The following STRIP1 variants were observed in gnomAD, a reference collection of about 807,000 sequenced individuals.
The protein encoded by STRIP1 is striatin-interacting protein 1.
A neutral mutation model predicts 106.2 loss-of-function variants in STRIP1; 63 were observed. The ratio of observed to expected loss-of-function variants is 0.59; its 90% CI spans 0.48 to 0.73. The LOEUF (loss-of-function observed/expected upper bound fraction) is 0.73, where lower values mean the gene tolerates loss of function less well. STRIP1 is among the 30% of genes least tolerant of loss of function. The pLI is 0.00. For missense variants in STRIP1, 857 were observed against 1,074.8 expected, an observed-to-expected ratio of 0.80 and a Z score of 2.83; for synonymous variants, 390 against 413.0, an observed-to-expected ratio of 0.94 and a Z score of 0.67.
Position 110,054,151 on chromosome 1 carries a change from C to T in STRIP1, c.*239C>T, listed in dbSNP as rs1653431822. 3.8e-6 allele frequency: 2 copies of T among 530,014 alleles called. No individual in the cohort carries two copies. Among genetic ancestry groups the T allele is most frequent in the East Asian group, 6.6e-5 (2 of 30,206 alleles). 32.8% of individuals were successfully genotyped at this position (530,014 alleles called of 1,614,324 possible). A position where few individuals can be genotyped will look rare whatever the true frequency, so the allele number is the denominator to read the frequency against. Reference sequence around the variant, plus strand: ...ATCCATTCTTCCTTTACTTCCCCCACCCTCCTCTCTTGGATATGGTTGGTT... The same window carrying T: ...ATCCATTCTTCCTTTACTTCCCCCATCCTCCTCTCTTGGATATGGTTGGTT... On this transcript the variant is annotated 3_prime_UTR_variant, in exon 21 of 21. Transcript: ENST00000369795.
intron 18 of STRIP1, among the ~76,000 whole-genome samples, 195 bp downstream of exon 18, chr1:110,050,604 T>G (rs1653250232): frequency 6.6e-6 from 1 of 152,176 alleles, no homozygotes; most frequent in Non-Finnish European, 1.5e-5. Flanking sequence ...GATTTGGATT[T>G]AGGGATTAGT....
At position 110,050,255 on chromosome 1, in the gene STRIP1, A is replaced by G; in HGVS notation, c.1890-88A>G. The G allele has an allele frequency of 3.8e-6, 5 of 1,312,514 alleles. No individual in the cohort carries two copies. The Admixed American group carries it at 5.2e-5, about 14-fold the overall frequency. The allele number at this position is 1,312,514 out of a possible 1,614,324, so 81.3% of individuals were successfully genotyped here. ...CTTCTGCTCCAACAAGTGAGGGAGG[A>G]AAGCTGGGAGCTGGCTCAGGCACGG... On this transcript the variant is annotated intron_variant, in intron 17 of 20. Transcript: ENST00000369795.
chr1:110,048,986 T>C (rs960554286), intron 15 of STRIP1, 126 bp from the exon 16 acceptor site: 5 of 1,115,220 alleles, frequency 4.5e-6, no homozygotes, highest in East Asian at 2.5e-5. Flanking sequence ...TTCTGAGATG[T>C]CCTTGGGGTG....
Position 110,043,077 on chromosome 1 carries a change from C to G in STRIP1, c.886-11C>G, listed in dbSNP as rs1171763636. 6.2e-7 allele frequency: 1 copy of G among 1,604,586 alleles called. No homozygotes were observed. The highest frequency in any genetic ancestry group is 1.3e-5 in the African/African-American group (1 of 74,764). On this transcript the variant is annotated splice_polypyrimidine_tract_variant and intron_variant, in intron 8 of 20. Coordinates refer to ENST00000369795, the MANE Select transcript of STRIP1 (RefSeq NM_033088.4). ...ATTGACCCTGGCTCTGCTTCCCTGT[C>G]TGTGATGCAGTGCACGCTAGGCGGC...
chr1:110,040,748 T>C (rs1169699863), intron 6 of STRIP1, 45 bp downstream of exon 6: 4 of 1,550,276 alleles, frequency 2.6e-6, no homozygotes, highest in Admixed American at 1.8e-5. Flanking sequence ...TAGTCAGAGA[T>C]GAGATCAGAG....
chr1:110,050,348 C>T lies in STRIP1; in HGVS notation c.1895C>T (p.Ser632Phe), dbSNP rs199569148. 3 of 1,614,192 alleles carry T rather than the reference C, an allele frequency of 1.9e-6. No homozygotes were observed. The highest frequency in any genetic ancestry group is 2.5e-6 in the Non-Finnish European group (3 of 1,180,010). The change falls in exon 18 of 21, where the codon TCT (serine) becomes TTT (phenylalanine). Residue 632 changes from serine to phenylalanine, a missense_variant. Physicochemically the swap from Ser to Phe is radical, Grantham distance 155 (BLOSUM62 -2). This residue lies in a region of STRIP1 where 750 missense variants were observed against 989.8 expected (regional missense o/e 0.76). Coordinates refer to ENST00000369795, the MANE Select transcript of STRIP1 (RefSeq NM_033088.4). ...GGTTCCTCTCCCCTCTGCAGCATTT[C>T]TGTCCTGGATTACCCTCACTGCGTG... is the stretch of plus-strand genomic sequence containing the variant. ...MSYITAKNSI[S>F]VLDYPHCVVH...
rs111847111 is a variant in STRIP1, at chr1:110,039,892, C to T, written c.581+377C>T. On this transcript the variant is annotated intron_variant, in intron 5 of 20. Coordinates refer to ENST00000369795, the MANE Select transcript of STRIP1 (RefSeq NM_033088.4). ...CAGGCACAAGACTGACATATGGGCT[C>T]AACCAGTGCCTGGCCTTGCCTGTGT... The T allele has an allele frequency of 4.5e-4, 581 of 1,294,990 alleles. 2 individuals carry two copies. In the African/African-American group the frequency reaches 7.6e-3, roughly 17 times the overall value. 80.2% of individuals were successfully genotyped at this position (1,294,990 alleles called of 1,614,324 possible).
In STRIP1 at chr1:110,046,450, A is replaced by G. The variant is rs528888460; in HGVS notation, c.1417-230A>G. 3.3e-5 allele frequency among the ~76,000 whole-genome samples: 5 copies of G among 152,288 alleles called. No homozygotes were observed. The South Asian group carries it at 6.2e-4, about 19-fold the overall frequency. ...GGGAGGCGGAGGTGGCAGTGAGCCA[A>G]GATCATGCCACTGCACTCCAGTCTG... On this transcript the variant is annotated intron_variant, in intron 12 of 20. Coordinates refer to ENST00000369795, the MANE Select transcript of STRIP1 (RefSeq NM_033088.4).
At chr1:110,038,609 CCTTCT>C in intron 2 of STRIP1, 69 bp from the exon 3 acceptor site, 1 of 1,242,552 alleles carries the variant, frequency 8.0e-7, no homozygotes, top group Non-Finnish European at 1.2e-6. Context: ...AAATGCCTTG[CCTTCT>C]CTGCACTTGT....
At chr1:110,051,547 C>G (rs1653303742) in intron 19 of STRIP1, 136 bp from the exon 20 acceptor site, 6 of 844,418 alleles carry the variant, frequency 7.1e-6, no homozygotes, top group Middle Eastern at 7.1e-4. Context: ...TATCAGGAAA[C>G]TCTTCAGTCC....
intron 18 of STRIP1, 38 bp from the exon 19 acceptor site, chr1:110,050,918 A>T (rs777050772): frequency 8.3e-7 from 1 of 1,198,168 alleles, no homozygotes; most frequent in Admixed American, 1.7e-5. Context: ...CACACACTGC[A>T]GCCATGAGGG....
In STRIP1 at chr1:110,053,729, C is replaced by T. The variant is rs572635211; in HGVS notation, c.2331C>T (p.Arg777=). ...EECALRANIE[R]FNARRYDRAH... Reference sequence around the variant, plus strand: ...GTGCCCTTCGTGCCAACATTGAACGCTTCAACGCCCGGCGCTATGACCGGG... The same window carrying T: ...GTGCCCTTCGTGCCAACATTGAACGTTTCAACGCCCGGCGCTATGACCGGG... Residue 777 remains arginine (R), a synonymous_variant, in exon 21 of 21, where the codon CGC becomes CGT. Transcript: ENST00000369795. 2.5e-6 allele frequency: 4 copies of T among 1,614,132 alleles called. No individual in the cohort carries two copies. Among genetic ancestry groups the T allele is most frequent in the Middle Eastern group, 1.6e-4 (1 of 6,062 alleles).
upstream of STRIP1, among the ~76,000 whole-genome samples, chr1:110,033,572 G>A (rs777639710): frequency 6.6e-6 from 1 of 152,122 alleles, no homozygotes; most frequent in Non-Finnish European, 1.5e-5. Flanking sequence ...AGCCTCTCAC[G>A]GTGAGAAAGC....
At chr1:110,043,540 C>T (rs1271582852) in intron 9 of STRIP1, 99 bp from the exon 10 acceptor site, 1 of 1,111,494 alleles carries the variant, frequency 9.0e-7, no homozygotes, top group African/African-American at 1.6e-5. Context: ...CTGTTCTTGC[C>T]TCTACTGGAC....
At chr1:110,049,367 C>G in intron 16 of STRIP1, 93 bp from the exon 17 acceptor site, 2 of 1,550,790 alleles carry the variant, frequency 1.3e-6, no homozygotes, top group Non-Finnish European at 1.8e-6. Context: ...TAAGACATGG[C>G]CCTTCAGCCA....
chr1:110,048,564 T>C (rs1365998996), intron 15 of STRIP1, among the ~76,000 whole-genome samples: 1 of 152,232 alleles, frequency 6.6e-6, no homozygotes, highest in Non-Finnish European at 1.5e-5. Context: ...CACAGAACAC[T>C]AGGCCATCAT....
At position 110,039,295 on chromosome 1, in the gene STRIP1, A is replaced by G. The variant is rs756540865; in HGVS notation, c.449A>G (p.Tyr150Cys). The G allele has an allele frequency of 2.5e-5, 41 of 1,613,962 alleles. No homozygotes were observed. Among genetic ancestry groups the G allele is most frequent in the Admixed American group, 2.3e-4 (14 of 59,992 alleles). The change falls in exon 4 of 21, where the codon TAT becomes TGT. Residue 150 changes from tyrosine (Y) to cysteine (C), a missense_variant. Transcript: ENST00000369795. Reference sequence around the variant, plus strand: ...CTCAAGGTGGCTCGAGCAATTCTCTATGTTGCTCAAGGTATTGAGTGGACC... The same window carrying G: ...CTCAAGGTGGCTCGAGCAATTCTCTGTGTTGCTCAAGGTATTGAGTGGACC... ...KRLKVARAIL[Y>C]VAQGTFGECS...
At chr1:110,038,807 G>T in intron 3 of STRIP1, 50 bp downstream of exon 3, 1 of 1,542,882 alleles carries the variant, frequency 6.5e-7, no homozygotes. Flanking sequence ...CATAACGAGA[G>T]CTGCAGGTTT....
intron 13 of STRIP1, among the ~76,000 whole-genome samples, 156 bp downstream of exon 13, chr1:110,046,907 A>G (rs1039325312): frequency 6.6e-6 from 1 of 151,878 alleles, no homozygotes; most frequent in Non-Finnish European, 1.5e-5. Flanking sequence ...AAAATTAGCC[A>G]GCCGTGGTGG....
Sources: gnomAD v4.1 joint callset for allele counts (sites outside exome capture counted in the v4.1 genomes callset) on GRCh38, gnomAD v4.1.1 for gene constraint, gnomAD v4.1.1 regional missense constraint, MANE v1.5 for transcripts, NCBI Gene and HGNC (gene_info 2026-07-23, HGNC 2026-07-21) for gene names.